Variants in WDPCP observed in about 807,000 individuals in gnomAD.
The protein encoded by WDPCP is WD repeat-containing and planar cell polarity effector protein fritz homolog.
A neutral mutation model predicts 93.1 loss-of-function variants in WDPCP; 71 were observed. That is an observed-to-expected ratio of 0.76 (90% CI 0.63 to 0.93). The LOEUF is 0.93. Ranked by LOEUF, WDPCP falls within the 40% of genes least tolerant of loss-of-function variation. The pLI, the probability that WDPCP is intolerant of heterozygous loss-of-function variation, is 0.00. For synonymous variants in WDPCP, 315 were observed against 315.0 expected, an observed-to-expected ratio of 1.00 and a Z score of 0.00; for missense variants, 844 against 887.4, an observed-to-expected ratio of 0.95 and a Z score of 0.62.
intron 2 of WDPCP, among the ~76,000 whole-genome samples, chr2:63,678,553 C>T (rs1710452253): frequency 6.6e-6 from 1 of 152,212 alleles, no homozygotes; most frequent in South Asian, 2.1e-4. Context: ...GCTCACTAAA[C>T]ATTGACTCTA....
At chr2:63,782,881 A>G (rs1575771989) in intron 2 of WDPCP, among the ~76,000 whole-genome samples, 1 of 152,130 alleles carries the variant, frequency 6.6e-6, no homozygotes, top group East Asian at 1.9e-4. Flanking sequence ...TAGTCCAAAA[A>G]AGCCCTTCCT....
At chr2:63,736,877 C>T (rs1007418272) in intron 2 of WDPCP, among the ~76,000 whole-genome samples, 1 of 152,064 alleles carries the variant, frequency 6.6e-6, no homozygotes, top group African/African-American at 2.4e-5. Context: ...TTTGAGTCCA[C>T]CATGTTCACT....
intron 2 of WDPCP, among the ~76,000 whole-genome samples, chr2:63,697,487 C>T (rs1044719450): frequency 2.6e-5 from 4 of 152,036 alleles, no homozygotes; most frequent in Non-Finnish European, 4.4e-5. Flanking sequence ...ATTCCAATTC[C>T]GTATCAAGCA....
At chr2:63,514,124 T>C (rs1030684602) in intron 1 of WDPCP, among the ~76,000 whole-genome samples, 1 of 152,092 alleles carries the variant, frequency 6.6e-6, no homozygotes, top group Non-Finnish European at 1.5e-5. Flanking sequence ...TGGAAGCAAA[T>C]ACCAGAAGAA....
At chr2:63,802,101 T>C (rs751360702) in intron 2 of WDPCP, among the ~76,000 whole-genome samples, 1 of 152,006 alleles carries the variant, frequency 6.6e-6, no homozygotes, top group Non-Finnish European at 1.5e-5. Context: ...ATCTCCTCTA[T>C]TTTTTCTGAA....
intron 2 of WDPCP, among the ~76,000 whole-genome samples, chr2:63,691,776 T>C (rs1225029030): frequency 6.6e-6 from 1 of 152,008 alleles, no homozygotes; most frequent in African/African-American, 2.4e-5. Context: ...GTAACTGACA[T>C]ACAAAAGGAG....
At chr2:63,461,124 G>A (rs914216444) in intron 6 of WDPCP, among the ~76,000 whole-genome samples, 1 of 152,110 alleles carries the variant, frequency 6.6e-6, no homozygotes, top group African/African-American at 2.4e-5. Flanking sequence ...GCATGCAAAG[G>A]CCAGGTAGCA....
chr2:63,228,797 G>A (rs962125724), intron 14 of WDPCP: 10 of 152,232 alleles, frequency 6.6e-5, no homozygotes, highest in South Asian at 4.1e-4. Flanking sequence ...ATTCCATGGT[G>A]TATATGTGCC....
chr2:63,365,556 G>C (rs1358499842), intron 12 of WDPCP, among the ~76,000 whole-genome samples: 2 of 152,070 alleles, frequency 1.3e-5, no homozygotes, highest in African/African-American at 4.8e-5. Context: ...CATAATCTTT[G>C]ATCTCTTAGG....
intron 1 of WDPCP, among the ~76,000 whole-genome samples, chr2:63,558,585 A>T (rs1328278610): frequency 1.3e-5 from 2 of 152,120 alleles, no homozygotes; most frequent in Non-Finnish European, 2.9e-5. Context: ...CAAATAGAAT[A>T]AAAAATGATA....
chr2:63,683,168 G>C (rs544345458), intron 2 of WDPCP, among the ~76,000 whole-genome samples: 2 of 152,068 alleles, frequency 1.3e-5, no homozygotes, highest in African/African-American at 4.8e-5. Flanking sequence ...AGACAGGAAG[G>C]AGGGAAAAAA....
chr2:63,607,720 C>T (rs950591991), intron 3 of WDPCP, among the ~76,000 whole-genome samples: 2 of 150,788 alleles, frequency 1.3e-5, no homozygotes, highest in Non-Finnish European at 2.9e-5. Context: ...GTCCCAGCTA[C>T]TCGGGAGGCT....
At chr2:63,388,007 A>G (rs1055797299) in intron 10 of WDPCP, among the ~76,000 whole-genome samples, 2 of 152,208 alleles carry the variant, frequency 1.3e-5, no homozygotes, top group Non-Finnish European at 2.9e-5. Flanking sequence ...TTCAAAGCTC[A>G]TGGATAGGTA....
chr2:63,724,165 G>A (rs1411883503), intron 2 of WDPCP, among the ~76,000 whole-genome samples: 1 of 152,140 alleles, frequency 6.6e-6, no homozygotes, highest in Non-Finnish European at 1.5e-5. Flanking sequence ...GTTTGATGTA[G>A]ATACATAGTT....
intron 12 of WDPCP, among the ~76,000 whole-genome samples, chr2:63,323,975 T>A (rs141438756): frequency 0.16 from 24,240 of 151,816 alleles, 2,603 homozygotes; most frequent in Non-Finnish European, 0.21. Context: ...TGGGAAACAC[T>A]CAGGCATCAA....
chr2:63,720,046 G>C (rs1283244501), intron 2 of WDPCP, among the ~76,000 whole-genome samples: 2 of 152,002 alleles, frequency 1.3e-5, no homozygotes, highest in Admixed American at 1.3e-4. Context: ...TTGGTATTCT[G>C]AATCTTTTAT....
At chr2:63,591,307 C>A (rs1008528569), upstream of WDPCP, among the ~76,000 whole-genome samples, 3 of 152,242 alleles carry the variant, frequency 2.0e-5, no homozygotes, top group African/African-American at 7.2e-5. Flanking sequence ...AAGAACCATA[C>A]ATGGACTTTT....
intron 3 of WDPCP, chr2:63,607,129 G>C: frequency 2.7e-6 from 2 of 731,126 alleles, no homozygotes; most frequent in Non-Finnish European, 4.1e-6. Context: ...TCTTGGTACA[G>C]GTTTGTGAAT....
chr2:63,738,439 A>G (rs1219663996), intron 2 of WDPCP, among the ~76,000 whole-genome samples: 1 of 145,948 alleles, frequency 6.9e-6, no homozygotes, highest in African/African-American at 2.5e-5. Context: ...TCTCCTGTGC[A>G]CATAGATCTG....
Sources: gnomAD v4.1 joint callset for allele counts (sites outside exome capture counted in the v4.1 genomes callset) on GRCh38, gnomAD v4.1.1 for gene constraint, MANE v1.5 for transcripts, NCBI Gene and HGNC (gene_info 2026-07-23, HGNC 2026-07-21) for gene names.